Variants in DACH2 observed in about 807,000 individuals in gnomAD.
DACH2 encodes the protein dachshund family transcription factor 2.
In DACH2, 17 loss-of-function variants were observed where a neutral mutation model predicts 35.8. That is an observed-to-expected ratio of 0.48 (90% CI 0.33 to 0.71). The LOEUF is 0.71. Ranked by LOEUF, DACH2 falls within the 30% of genes least tolerant of loss-of-function variation. The pLI is 0.02. For synonymous variants in DACH2, 195 were observed against 177.3 expected (o/e 1.10, Z -0.79); for missense variants, 469 against 472.7 (o/e 0.99, Z 0.07).
chrX:86,700,377 T>C (rs1030936947), intron 5 of DACH2, among the ~76,000 whole-genome samples: 1 of 111,193 alleles, frequency 9.0e-6, no homozygotes, highest in African/African-American at 3.3e-5. Flanking sequence ...TCACTATTAT[T>C]GTGTATAAAT....
intron 2 of DACH2, among the ~76,000 whole-genome samples, chrX:86,441,095 T>A (rs1428309669): frequency 9.0e-6 from 1 of 111,514 alleles, no homozygotes; most frequent in African/African-American, 3.3e-5. Context: ...GTGTATATAT[T>A]TATAGGGTGC....
chrX:86,653,731 T>C (rs1280879663), intron 4 of DACH2, among the ~76,000 whole-genome samples: 1 of 100,263 alleles, frequency 1.0e-5, no homozygotes, highest in African/African-American at 3.7e-5. Context: ...AGTGGCACGA[T>C]CTTGGCTCAC....
chrX:86,542,044 A>AT (rs746644211), intron 3 of DACH2, among the ~76,000 whole-genome samples: 136 of 110,157 alleles, frequency 1.2e-3, no homozygotes, highest in African/African-American at 3.5e-3. Context: ...ATTTTAAACT[A>AT]TTTTTTTTTC....
intron 3 of DACH2, among the ~76,000 whole-genome samples, chrX:86,569,221 G>A (rs1015457526): frequency 9.0e-6 from 1 of 110,769 alleles, no homozygotes; most frequent in Admixed American, 9.7e-5. Context: ...TGATAATAAC[G>A]TGTTAAGTCA....
At chrX:86,681,594 CCT>C (rs113903178) in intron 4 of DACH2, among the ~76,000 whole-genome samples, 59 of 96,649 alleles carry the variant, frequency 6.1e-4, no homozygotes, top group African/African-American at 1.9e-3. Context: ...TCTCTTTCTC[CCT>C]CTCTCTCTCT....
At chrX:86,593,661 A>C (rs1040017995) in intron 3 of DACH2, among the ~76,000 whole-genome samples, 2 of 109,955 alleles carry the variant, frequency 1.8e-5, no homozygotes, top group African/African-American at 3.3e-5. Context: ...TCCTGACCTC[A>C]AGTCATCTGC....
chrX:86,548,643 C>T (rs1341822223), intron 3 of DACH2, among the ~76,000 whole-genome samples: 1 of 111,793 alleles, frequency 8.9e-6, no homozygotes, highest in Admixed American at 9.5e-5. Flanking sequence ...ACGTGAAACC[C>T]ATTTTCCTTA....
intron 6 of DACH2, among the ~76,000 whole-genome samples, chrX:86,724,257 T>C (rs1160748160): frequency 9.0e-6 from 1 of 111,509 alleles, no homozygotes; most frequent in Non-Finnish European, 1.9e-5. Context: ...ATTATTGCTC[T>C]TTCTCCTTTG....
intron 2 of DACH2, among the ~76,000 whole-genome samples, chrX:86,454,938 G>A (rs2037448062): frequency 9.0e-6 from 1 of 111,274 alleles, no homozygotes; most frequent in Non-Finnish European, 1.9e-5. Context: ...TTAGTTTTCT[G>A]AACTTTGAAT....
intron 1 of DACH2, among the ~76,000 whole-genome samples, chrX:86,207,488 A>G (rs919102044): frequency 9.0e-6 from 1 of 111,261 alleles, no homozygotes; most frequent in African/African-American, 3.3e-5. Context: ...TGATTATTAC[A>G]CATTGTGTGC....
intron 5 of DACH2, among the ~76,000 whole-genome samples, chrX:86,707,559 T>C (rs1274160181): frequency 9.0e-6 from 1 of 111,606 alleles, no homozygotes; most frequent in Non-Finnish European, 1.9e-5. Flanking sequence ...TCAGTATCTC[T>C]GATGAACATA....
intron 1 of DACH2, among the ~76,000 whole-genome samples, chrX:86,156,807 G>A (rs1057387995): frequency 1.8e-5 from 2 of 111,310 alleles, no homozygotes; most frequent in African/African-American, 3.2e-5. Context: ...TTCAAAATGA[G>A]TTGGTAAAAG....
intron 4 of DACH2, among the ~76,000 whole-genome samples, chrX:86,688,870 C>A (rs751233161): frequency 2.7e-5 from 3 of 112,063 alleles, no homozygotes; most frequent in Non-Finnish European, 5.6e-5. Context: ...TGCATGTGGA[C>A]TTTGAGCACT....
At chrX:86,188,415 C>T (rs1168975983) in intron 1 of DACH2, among the ~76,000 whole-genome samples, 6 of 111,427 alleles carry the variant, frequency 5.4e-5, no homozygotes, top group Non-Finnish European at 9.4e-5. Flanking sequence ...GCTAGACCAC[C>T]GATCTTATCA....
chrX:86,631,699 T>C (rs1479591292), intron 3 of DACH2, among the ~76,000 whole-genome samples: 1 of 112,268 alleles, frequency 8.9e-6, no homozygotes, highest in East Asian at 2.8e-4. Context: ...TTGGTTAATT[T>C]ACTTGCTCAC....
chrX:86,437,368 A>G (rs770208739), intron 2 of DACH2, among the ~76,000 whole-genome samples: 24 of 111,466 alleles, frequency 2.2e-4, no homozygotes, highest in Admixed American at 3.8e-4. Context: ...CCTACTTTTT[A>G]TTAAAATGTA....
intron 1 of DACH2, among the ~76,000 whole-genome samples, chrX:86,189,185 C>A (rs997648636): frequency 8.9e-6 from 1 of 112,026 alleles, no homozygotes; most frequent in Admixed American, 9.5e-5. Context: ...GTATGCAAAG[C>A]ACTATAGGTC....
At chrX:86,249,570 T>C (rs1438283315) in intron 1 of DACH2, among the ~76,000 whole-genome samples, 1 of 111,389 alleles carries the variant, frequency 9.0e-6, no homozygotes, top group Non-Finnish European at 1.9e-5. Flanking sequence ...GGTGATGCTG[T>C]AGAGAAAATG....
At chrX:86,438,212 C>T (rs2037099704) in intron 2 of DACH2, among the ~76,000 whole-genome samples, 1 of 100,797 alleles carries the variant, frequency 9.9e-6, no homozygotes, top group Non-Finnish European at 2.0e-5. Context: ...AGGACATGAT[C>T]TCGTAGGTTT....
Sources: allele counts gnomAD v4.1 joint callset (sites outside exome capture counted in the v4.1 genomes callset), GRCh38; gene constraint gnomAD v4.1.1; transcripts MANE v1.5; gene names NCBI Gene and HGNC (gene_info 2026-07-23, HGNC 2026-07-21).